Variants in FHOD3 observed in about 807,000 individuals in gnomAD.
FHOD3 encodes the protein FH1/FH2 domain-containing protein 3.
A neutral mutation model predicts 173.0 loss-of-function variants in FHOD3; 90 were observed. The ratio of observed to expected loss-of-function variants is 0.52; its 90% CI spans 0.44 to 0.62. FHOD3 has a LOEUF of 0.62. Among genes scored for constraint, FHOD3 ranks in the 20% least tolerant of loss-of-function variants. The pLI is 0.00. For synonymous variants in FHOD3, 828 were observed against 823.0 expected (o/e 1.01, Z -0.10); for missense variants, 1,945 against 2,034.7 (o/e 0.96, Z 0.85).
At chr18:36,482,858 C>CACACACACACAGAGAG (rs1400178557) in intron 3 of FHOD3, among the ~76,000 whole-genome samples, 6 of 130,374 alleles carry the variant, frequency 4.6e-5, no homozygotes, top group African/African-American at 1.9e-4. Context: ...CACACACACA[C>CACACACACACAGAGAG]AGAGAGAGAG....
chr18:36,439,103 AC>A lies in FHOD3; in HGVS notation c.338-62828del, dbSNP rs199604125. 5.9e-3 allele frequency among the ~76,000 whole-genome samples: 893 copies of A among 152,324 alleles called. 11 individuals carry two copies. Among genetic ancestry groups the A allele is most frequent in the African/African-American group, 0.021 (860 of 41,562 alleles). ...CAGGAGATGCTAAATGGGAAAAAAA[AC>A]AGTACAGCATCTTATTACTGAAAGA... On this transcript the variant is annotated intron_variant, in intron 3 of 28. Transcript: ENST00000590592.
chr18:36,331,907 A>G (rs2045033978), intron 1 of FHOD3, among the ~76,000 whole-genome samples: 1 of 152,068 alleles, frequency 6.6e-6, no homozygotes, highest in South Asian at 2.1e-4. Context: ...AATTAATGCA[A>G]TGGTGGGCGG....
chr18:36,379,869 A>G (rs933090228), intron 3 of FHOD3, among the ~76,000 whole-genome samples: 17 of 152,186 alleles, frequency 1.1e-4, no homozygotes, highest in African/African-American at 4.1e-4. Context: ...ATCAAAATTT[A>G]TGTCAGGAAA....
At chr18:36,577,968 C>T (rs1171236866) in intron 6 of FHOD3, among the ~76,000 whole-genome samples, 3 of 152,192 alleles carry the variant, frequency 2.0e-5, no homozygotes, top group Non-Finnish European at 4.4e-5. Context: ...GGTGCACATG[C>T]ACCAAGGTTA....
chr18:36,582,225 C>T (rs2058877461), intron 6 of FHOD3, among the ~76,000 whole-genome samples: 1 of 152,076 alleles, frequency 6.6e-6, no homozygotes, highest in Non-Finnish European at 1.5e-5. Flanking sequence ...GGCTGATGGG[C>T]AAGGAGAGGA....
chr18:36,690,789 A>G (rs2149481375), intron 16 of FHOD3, among the ~76,000 whole-genome samples: 1 of 152,280 alleles, frequency 6.6e-6, no homozygotes, highest in East Asian at 1.9e-4. Flanking sequence ...GACCATCTTA[A>G]CCATTTTAAA....
chr18:36,761,315 C>A (rs2042868407), intron 27 of FHOD3, among the ~76,000 whole-genome samples: 3 of 152,172 alleles, frequency 2.0e-5, no homozygotes, highest in Non-Finnish European at 2.9e-5. Context: ...AAATGGCGGC[C>A]AGATTCGAGT....
At chr18:36,592,679 A>G (rs1171312611) in intron 6 of FHOD3, among the ~76,000 whole-genome samples, 1 of 151,976 alleles carries the variant, frequency 6.6e-6, no homozygotes, top group African/African-American at 2.4e-5. Context: ...TGGTGGGTGG[A>G]TTTGCTGTGG....
At chr18:36,459,196 A>G (rs964578430) in intron 3 of FHOD3, among the ~76,000 whole-genome samples, 1 of 152,216 alleles carries the variant, frequency 6.6e-6, no homozygotes, top group Admixed American at 6.5e-5. Flanking sequence ...AGAAGCCATC[A>G]TAAGAAAAAA....
rs141424044 is a variant in FHOD3, at chr18:36,413,225, G to A, written c.337+40481G>A. On this transcript the variant is annotated intron_variant, in intron 3 of 28. Transcript: ENST00000590592. Reference sequence around the variant, plus strand: ...CTTAAGAAAAGATGCCTTGGTGATGGGTGGACAGCGATGTCACAACTCCTC... The same window carrying A: ...CTTAAGAAAAGATGCCTTGGTGATGAGTGGACAGCGATGTCACAACTCCTC... 5.3e-5 allele frequency among the ~76,000 whole-genome samples: 8 copies of A among 152,318 alleles called. No homozygotes were observed. The East Asian group carries it at 1.5e-3, about 29-fold the overall frequency.
At position 36,709,084 on chromosome 18, in the gene FHOD3, G is replaced by T; in HGVS notation, c.2237-11G>T. 1 of 1,610,364 alleles carries T rather than the reference G, an allele frequency of 6.2e-7. No homozygotes were observed. The highest frequency in any genetic ancestry group is 8.5e-7 in the Non-Finnish European group (1 of 1,177,172). On this transcript the variant is annotated splice_polypyrimidine_tract_variant and intron_variant, in intron 17 of 28. Transcript: ENST00000590592. Reference sequence around the variant, plus strand: ...TGTCGTCAATATAATCTCCATTGTTGTCTCCACCAGCAAGTGCCGGGGATC... The same window carrying T: ...TGTCGTCAATATAATCTCCATTGTTTTCTCCACCAGCAAGTGCCGGGGATC...
intron 3 of FHOD3, among the ~76,000 whole-genome samples, chr18:36,402,004 C>G (rs1354357126): frequency 6.6e-6 from 1 of 152,182 alleles, no homozygotes; most frequent in Non-Finnish European, 1.5e-5. Flanking sequence ...ACTTCTCTTG[C>G]ATATATTCTT....
chr18:36,560,334 G>A (rs949847211), intron 5 of FHOD3, among the ~76,000 whole-genome samples: 21 of 152,336 alleles, frequency 1.4e-4, no homozygotes, highest in African/African-American at 5.1e-4. Flanking sequence ...TGTTGAGGAT[G>A]TTGATAAACA....
chr18:36,647,676 C>T (rs2035784174), intron 10 of FHOD3, among the ~76,000 whole-genome samples: 1 of 152,072 alleles, frequency 6.6e-6, no homozygotes, highest in African/African-American at 2.4e-5. Flanking sequence ...TCAAAATAGC[C>T]CCAAATTGAA....
intron 3 of FHOD3, among the ~76,000 whole-genome samples, chr18:36,389,489 A>G (rs1366898971): frequency 2.0e-5 from 3 of 152,104 alleles, no homozygotes; most frequent in African/African-American, 4.8e-5. Context: ...CTTTTCCACA[A>G]TCACGCAGCT....
At chr18:36,513,245 G>A (rs117679548) in intron 5 of FHOD3, among the ~76,000 whole-genome samples, 13 of 150,898 alleles carry the variant, frequency 8.6e-5, no homozygotes, top group East Asian at 5.8e-4. Flanking sequence ...AGGTTGAACC[G>A]TATGAAATTG....
intron 1 of FHOD3, among the ~76,000 whole-genome samples, chr18:36,302,505 C>T (rs998657686): frequency 3.3e-5 from 5 of 152,322 alleles, no homozygotes; most frequent in African/African-American, 1.2e-4. Flanking sequence ...GTCAGGCTCT[C>T]AGTACATGGG....
chr18:36,636,620 T>C (rs2034903308), intron 10 of FHOD3, among the ~76,000 whole-genome samples: 1 of 151,156 alleles, frequency 6.6e-6, no homozygotes, highest in Non-Finnish European at 1.5e-5. Flanking sequence ...AATTACCATA[T>C]CCACATGGCC....
chr18:36,629,807 G>C (rs1177124686), intron 10 of FHOD3, among the ~76,000 whole-genome samples: 1 of 152,112 alleles, frequency 6.6e-6, no homozygotes, highest in African/African-American at 2.4e-5. Context: ...AGATTGGACT[G>C]TGCAGGCCGG....
Sources: gnomAD v4.1 joint callset for allele counts (sites outside exome capture counted in the v4.1 genomes callset) on GRCh38, gnomAD v4.1.1 for gene constraint, MANE v1.5 for transcripts, NCBI Gene and HGNC (gene_info 2026-07-23, HGNC 2026-07-21) for gene names.